The following ARFGEF3 variants were observed in gnomAD, a reference collection of about 807,000 sequenced individuals.
ARFGEF3 encodes the protein ARFGEF family member 3, also known as brefeldin A-inhibited guanine nucleotide-exchange protein 3.
ARFGEF3 carries 96 observed loss-of-function variants against 221.7 expected under a neutral mutation model. The ratio of observed to expected loss-of-function variants is 0.43; its 90% CI spans 0.37 to 0.51. The LOEUF is 0.51. Among genes scored for constraint, ARFGEF3 ranks in the 20% least tolerant of loss-of-function variants. ARFGEF3 has a pLI of 0.00. For synonymous variants in ARFGEF3, 1,145 were observed against 1,126.8 expected, an observed-to-expected ratio of 1.02 and a Z score of -0.32; for missense variants, 2,410 against 2,789.9, an observed-to-expected ratio of 0.86 and a Z score of 3.07.
intron 29 of ARFGEF3, among the ~76,000 whole-genome samples, chr6:138,323,337 C>A (rs746682930): frequency 7.9e-5 from 12 of 152,068 alleles, no homozygotes; most frequent in Non-Finnish European, 1.6e-4. Context: ...TGTGGCCGGG[C>A]GCGGTGTCCC....
chr6:138,207,145 A>T, intron 3 of ARFGEF3, 22 bp downstream of exon 3: 1 of 1,588,020 alleles, frequency 6.3e-7, no homozygotes, highest in East Asian at 2.2e-5. Context: ...ACTGAATGCA[A>T]TGGGATGATA....
intron 20 of ARFGEF3, among the ~76,000 whole-genome samples, chr6:138,295,857 G>C (rs1184110930): frequency 6.6e-6 from 1 of 152,154 alleles, no homozygotes; most frequent in Non-Finnish European, 1.5e-5. Flanking sequence ...GGAAATGCAG[G>C]CATGCAACAC....
chr6:138,228,657 G>A (rs1487898442), intron 4 of ARFGEF3, among the ~76,000 whole-genome samples: 4 of 152,162 alleles, frequency 2.6e-5, no homozygotes, highest in Admixed American at 2.6e-4. Flanking sequence ...CTGAAGGAGC[G>A]ACTGTTCCTA....
At chr6:138,331,823 A>C (rs1780233351) in intron 32 of ARFGEF3, among the ~76,000 whole-genome samples, 1 of 152,238 alleles carries the variant, frequency 6.6e-6, no homozygotes, top group Non-Finnish European at 1.5e-5. Flanking sequence ...TAGATGATTA[A>C]GAATTGCATA....
intron 8 of ARFGEF3, among the ~76,000 whole-genome samples, chr6:138,250,069 C>T (rs7774251): frequency 0.042 from 6,459 of 152,226 alleles, 435 homozygotes; most frequent in African/African-American, 0.15. Flanking sequence ...AACTGGATGC[C>T]TCTTCTACTC....
chr6:138,278,736 G>A, intron 13 of ARFGEF3, 119 bp downstream of exon 13: 1 of 1,055,898 alleles, frequency 9.5e-7, no homozygotes, highest in Non-Finnish European at 1.4e-6. Context: ...ACTGCTCTAG[G>A]TTGGTAATGC....
chr6:138,241,729 G>A (rs182949025), intron 6 of ARFGEF3, among the ~76,000 whole-genome samples: 1 of 152,316 alleles, frequency 6.6e-6, no homozygotes, highest in African/African-American at 2.4e-5. Context: ...AATAAATAAT[G>A]TAGAATGCCA....
At chr6:138,268,245 G>A (rs1393505156) in intron 12 of ARFGEF3, among the ~76,000 whole-genome samples, 2 of 152,110 alleles carry the variant, frequency 1.3e-5, no homozygotes, top group East Asian at 1.9e-4. Flanking sequence ...GTTCCTCTAA[G>A]AGAAAGTTAT....
At chr6:138,267,267 G>C (rs773964090) in intron 12 of ARFGEF3, among the ~76,000 whole-genome samples, 9 of 151,954 alleles carry the variant, frequency 5.9e-5, no homozygotes, top group Non-Finnish European at 7.4e-5. Context: ...CTACTAAAAA[G>C]ACAAAAAATT....
At chr6:138,335,236 T>TACTGG in intron 33 of ARFGEF3, 48 bp downstream of exon 33, 2 of 1,479,790 alleles carry the variant, frequency 1.4e-6, no homozygotes, top group Non-Finnish European at 1.8e-6. Flanking sequence ...GGGTTTCCAG[T>TACTGG]ACTGGATGGG....
rs1780425675 is a variant in ARFGEF3 at position 138,341,231 on chromosome 6, T to C, written c.*4745T>C. On this transcript the variant is annotated 3_prime_UTR_variant, in exon 34 of 34. Coordinates refer to ENST00000251691, the MANE Select transcript of ARFGEF3 (RefSeq NM_020340.5). ...TTTACTTGCTTCTCTGGGAAATACA[T>C]GGTACTAAATTAGTAGCACAAAGTT... is the stretch of plus-strand genomic sequence containing the variant. 1 of 154,518 alleles carries C rather than the reference T, an allele frequency of 6.5e-6. No homozygotes were observed. The highest frequency in any genetic ancestry group is 1.5e-5 in the Non-Finnish European group (1 of 68,230). 9.6% of individuals were successfully genotyped at this position (154,518 alleles called of 1,614,324 possible).
chr6:138,251,764 C>G (rs1169913421), intron 8 of ARFGEF3, among the ~76,000 whole-genome samples: 1 of 152,062 alleles, frequency 6.6e-6, no homozygotes, highest in African/African-American at 2.4e-5. Flanking sequence ...TTAGGATCTA[C>G]TAAGACAGCA....
Position 138,291,790 on chromosome 6 carries a change from G to A in ARFGEF3, c.3105G>A (p.Gln1035=). Residue 1035 remains glutamine, a synonymous_variant, in exon 19 of 34, where the codon CAG becomes CAA. Transcript: ENST00000251691. This position sits in a 1 kb window ranked among gnomAD's most constrained non-coding sequence, Gnocchi z 4.5. ...EHNHFSDGAS[Q]PPLTISQPQK... is the part of the protein sequence containing the mutation. ...ACCACTTCAGCGATGGTGCCTCGCA[G>A]CCCCCTCTGACCATCAGCCAGCCCC... is the stretch of plus-strand genomic sequence containing the variant. The A allele has an allele frequency of 6.8e-7, 1 of 1,468,998 alleles. No homozygotes were observed. The highest frequency in any genetic ancestry group is 2.6e-5 in the East Asian group (1 of 38,848). The allele number at this position is 1,468,998 out of a possible 1,614,324, so 91.0% of individuals were successfully genotyped here. A position where few individuals can be genotyped will look rare whatever the true frequency, so the allele number is the denominator to read the frequency against.
At chr6:138,207,930 G>C (rs551165411) in intron 3 of ARFGEF3, among the ~76,000 whole-genome samples, 40 of 152,240 alleles carry the variant, frequency 2.6e-4, no homozygotes, top group African/African-American at 9.4e-4. Context: ...TGAGAAAACA[G>C]TTCTTTTTCC....
chr6:138,212,372 T>TA (rs1416061565), intron 4 of ARFGEF3, among the ~76,000 whole-genome samples: 2 of 152,010 alleles, frequency 1.3e-5, no homozygotes, highest in South Asian at 2.1e-4. Context: ...TACAAAAAAA[T>TA]AAAAAAAGTT....
intron 31 of ARFGEF3, 79 bp downstream of exon 31, chr6:138,324,233 A>T (rs1583067927): frequency 4.6e-6 from 7 of 1,519,730 alleles, no homozygotes; most frequent in African/African-American, 2.8e-5. Context: ...AAGGTCTCGC[A>T]TCACCAAATT....
At chr6:138,211,799 A>G (rs774413435) in intron 4 of ARFGEF3, among the ~76,000 whole-genome samples, 1 of 152,196 alleles carries the variant, frequency 6.6e-6, no homozygotes, top group Non-Finnish European at 1.5e-5. Context: ...GAAAACTTGT[A>G]CTTGCTTTCT....
rs186067806 is a variant in ARFGEF3 at position 138,259,865 on chromosome 6, G to C, written c.1105-1662G>C. The stretch of plus-strand genomic sequence containing the variant: ...GGAGGCGGAGGTTGCAGTGAGCCAA[G>C]ATTGTGCTGCTGTACTCCAGTCTGG... On this transcript the variant is annotated intron_variant, in intron 10 of 33. Transcript: ENST00000251691. Among the ~76,000 whole-genome samples, 36 of 152,226 alleles carry C rather than the reference G, an allele frequency of 2.4e-4. No individual in the cohort carries two copies. In the South Asian group the frequency reaches 3.7e-3, roughly 16 times the overall value.
At chr6:138,172,270 T>A (rs1219383921) in intron 2 of ARFGEF3, among the ~76,000 whole-genome samples, 1 of 152,164 alleles carries the variant, frequency 6.6e-6, no homozygotes, top group African/African-American at 2.4e-5. Context: ...GCATGGATAG[T>A]TTAAAGAAGT....
Sources: allele counts gnomAD v4.1 joint callset (sites outside exome capture counted in the v4.1 genomes callset), GRCh38; gene constraint gnomAD v4.1.1; non-coding constraint Gnocchi (gnomAD v3.1); transcripts MANE v1.5; gene names NCBI Gene and HGNC (gene_info 2026-07-23, HGNC 2026-07-21).